ADAM22: variants seen among roughly 807,000 people sequenced by gnomAD.
ADAM22 encodes ADAM metallopeptidase domain 22.
ADAM22 carries 65 observed loss-of-function variants against 144.6 expected under a neutral mutation model. The ratio of observed to expected loss-of-function variants is 0.45; its 90% CI spans 0.37 to 0.55. The LOEUF is 0.55. ADAM22 is among the 20% of genes least tolerant of loss of function. The pLI is 0.00. For synonymous variants in ADAM22, 391 were observed against 412.6 expected (o/e 0.95, Z 0.63); for missense variants, 974 against 1,184.9 (o/e 0.82, Z 2.61).
At chr7:88,048,276 T>C (rs1805231765) in intron 3 of ADAM22, among the ~76,000 whole-genome samples, 1 of 152,164 alleles carries the variant, frequency 6.6e-6, no homozygotes, top group African/African-American at 2.4e-5. Flanking sequence ...TCTTAGTGGA[T>C]AGTTAGATTG....
Position 88,199,715 on chromosome 7 carries a change from T to C in ADAM22, c.*3224T>C, listed in dbSNP as rs1410232702. The C allele has an allele frequency of 1.3e-5, 2 of 152,234 alleles. No individual in the cohort carries two copies. 9.4% of individuals were successfully genotyped at this position (152,234 alleles called of 1,614,324 possible). On this transcript the variant is annotated 3_prime_UTR_variant, in exon 32 of 32. Transcript: ENST00000413139. Reference sequence around the variant, plus strand: ...AATAACCTATCATTAGAGTTGTTCCTTTAAAAAATGTTGATGAATAAAGCA... The same window carrying C: ...AATAACCTATCATTAGAGTTGTTCCCTTAAAAAATGTTGATGAATAAAGCA...
intron 7 of ADAM22, among the ~76,000 whole-genome samples, chr7:88,124,908 A>C (rs930241647): frequency 2.0e-5 from 3 of 152,018 alleles, no homozygotes; most frequent in South Asian, 4.1e-4. Context: ...TTATTTGTAT[A>C]ATAAGCCCCT....
intron 3 of ADAM22, among the ~76,000 whole-genome samples, chr7:87,988,298 A>T (rs781355758): frequency 6.6e-6 from 1 of 152,322 alleles, no homozygotes; most frequent in Middle Eastern, 3.4e-3. Flanking sequence ...CATCTTGGTC[A>T]CTGTTATATG....
chr7:88,039,464 AAT>A lies in ADAM22; in HGVS notation c.324-36142_324-36141del, dbSNP rs1554420479. ...GATTCTGTCTCAAAAAAAAAAAAAA[AAT>A]ATATATATATATATATATACATTTC... On this transcript the variant is annotated intron_variant, in intron 3 of 31. Coordinates refer to ENST00000413139, the MANE Select transcript of ADAM22 (RefSeq NM_001324418.2). 8.8e-3 allele frequency among the ~76,000 whole-genome samples: 669 copies of A among 76,358 alleles called. 37 individuals are homozygous for A. The highest frequency in any genetic ancestry group is 0.028 in the African/African-American group (592 of 21,112). The allele number at this position is 76,358 out of a possible 152,430, so 50.1% of individuals were successfully genotyped here.
At chr7:87,937,455 GGAA>G (rs1392509514) in intron 2 of ADAM22, among the ~76,000 whole-genome samples, 1 of 152,148 alleles carries the variant, frequency 6.6e-6, no homozygotes, top group Non-Finnish European at 1.5e-5. Flanking sequence ...AGAGACTGAG[GGAA>G]GAAGAGATAC....
chr7:88,019,019 A>C (rs1377706119), intron 3 of ADAM22, among the ~76,000 whole-genome samples: 2 of 152,174 alleles, frequency 1.3e-5, no homozygotes, highest in Admixed American at 1.3e-4. Flanking sequence ...GACATATTAT[A>C]CATAGTGGTT....
chr7:88,103,700 A>G (rs1016591008), intron 4 of ADAM22, among the ~76,000 whole-genome samples: 2 of 152,198 alleles, frequency 1.3e-5, no homozygotes, highest in Non-Finnish European at 2.9e-5. Context: ...GGAAAAGCCC[A>G]AAAGGCTTTT....
At chr7:88,083,989 T>C (rs1198078900) in intron 4 of ADAM22, among the ~76,000 whole-genome samples, 1 of 152,180 alleles carries the variant, frequency 6.6e-6, no homozygotes, top group Non-Finnish European at 1.5e-5. Flanking sequence ...CACTTCTCTA[T>C]TTTGTATGAT....
At chr7:88,182,296 C>A (rs1247554535) in intron 29 of ADAM22, among the ~76,000 whole-genome samples, 1 of 152,146 alleles carries the variant, frequency 6.6e-6, no homozygotes, top group Non-Finnish European at 1.5e-5. Context: ...GGTCTTGGTT[C>A]TATATGAAGG....
At chr7:88,144,680 A>G (rs1445681812) in intron 15 of ADAM22, among the ~76,000 whole-genome samples, 1 of 152,036 alleles carries the variant, frequency 6.6e-6, no homozygotes, top group Non-Finnish European at 1.5e-5. Context: ...TTCCTGTTTT[A>G]GATATTAAGT....
In ADAM22 at chr7:87,963,483, T is replaced by A. The variant is rs868063660; in HGVS notation, c.247-14853T>A. Among the ~76,000 whole-genome samples the A allele has an allele frequency of 2.0e-5, 3 of 152,196 alleles. No individual in the cohort carries two copies. In the South Asian group the frequency reaches 6.2e-4, roughly 32 times the overall value. On this transcript the variant is annotated intron_variant, in intron 2 of 31. Transcript: ENST00000413139. Reference sequence around the variant, plus strand: ...AAAATATAGAAAGAATGACTGTGCCTGGCCTTTTTCCTTTGTAAAAAAGAA... The same window carrying A: ...AAAATATAGAAAGAATGACTGTGCCAGGCCTTTTTCCTTTGTAAAAAAGAA...
At chr7:87,948,692 T>A (rs980831569) in intron 2 of ADAM22, among the ~76,000 whole-genome samples, 1 of 152,206 alleles carries the variant, frequency 6.6e-6, no homozygotes, top group African/African-American at 2.4e-5. Flanking sequence ...ACCAGGCATT[T>A]TTATAGGTAT....
At chr7:87,944,565 G>A (rs758150963) in intron 2 of ADAM22, among the ~76,000 whole-genome samples, 7 of 152,112 alleles carry the variant, frequency 4.6e-5, no homozygotes, top group Admixed American at 1.3e-4. Context: ...GAGAGGGAGC[G>A]AGGCGAGCAG....
At chr7:88,164,380 A>G (rs1288976339) in intron 23 of ADAM22, among the ~76,000 whole-genome samples, 3 of 152,114 alleles carry the variant, frequency 2.0e-5, no homozygotes, top group African/African-American at 7.2e-5. Context: ...ATAATTTACA[A>G]TAATTATGCA....
intron 7 of ADAM22, among the ~76,000 whole-genome samples, chr7:88,122,131 T>C (rs1829452043): frequency 6.6e-6 from 1 of 152,172 alleles, no homozygotes; most frequent in Non-Finnish European, 1.5e-5. Context: ...GCAGTTGTCG[T>C]TGGCAGAATT....
intron 4 of ADAM22, among the ~76,000 whole-genome samples, chr7:88,095,209 G>A (rs1384855969): frequency 2.0e-5 from 3 of 152,218 alleles, no homozygotes; most frequent in South Asian, 2.1e-4. Context: ...TTTACTTCCT[G>A]CTTTATAAGA....
At position 88,163,014 on chromosome 7, in the gene ADAM22, G is replaced by GT; in HGVS notation, c.1911dup (p.Gly638TrpfsTer4). 1 of 1,606,302 alleles carries GT rather than the reference G, an allele frequency of 6.2e-7. No homozygotes were observed. Among genetic ancestry groups the GT allele is most frequent in the Non-Finnish European group, 8.5e-7 (1 of 1,177,354 alleles). On this transcript the variant is annotated frameshift_variant, in exon 23 of 32. Coordinates refer to ENST00000413139, the MANE Select transcript of ADAM22 (RefSeq NM_001324418.2). LOFTEE classifies it high-confidence loss of function. ...TTTTGCTCTCAATTTGTTTTTAGTG[G>GT]TGGGCATGTTAAGCTTGAAGAAGAT...
At chr7:88,116,070 G>T (rs1049262769) in intron 6 of ADAM22, among the ~76,000 whole-genome samples, 3 of 151,964 alleles carry the variant, frequency 2.0e-5, no homozygotes, top group African/African-American at 7.3e-5. Flanking sequence ...TCTCTGTATT[G>T]TGTATTATTT....
intron 14 of ADAM22, among the ~76,000 whole-genome samples, chr7:88,136,706 AG>A (rs1280915290): frequency 6.6e-6 from 1 of 151,972 alleles, no homozygotes; most frequent in Non-Finnish European, 1.5e-5. Context: ...TCAAATACTG[AG>A]TATAAATTCG....
Sources: gnomAD v4.1 joint callset for allele counts (sites outside exome capture counted in the v4.1 genomes callset) on GRCh38, gnomAD v4.1.1 for gene constraint, MANE v1.5 for transcripts, NCBI Gene and HGNC (gene_info 2026-07-23, HGNC 2026-07-21) for gene names.